The following PRKDC variants were observed in gnomAD, a reference collection of about 807,000 sequenced individuals.
The protein encoded by PRKDC is protein kinase, DNA-activated, catalytic subunit.
A neutral mutation model predicts 486.9 loss-of-function variants in PRKDC; 82 were observed. That is an observed-to-expected ratio of 0.17 (90% CI 0.14 to 0.20). The LOEUF is 0.20. Ranked by LOEUF, PRKDC falls within the 10% of genes least tolerant of loss-of-function variation. The pLI, the probability that PRKDC is intolerant of heterozygous loss-of-function variation, is 1.00. For synonymous variants in PRKDC, 1,895 were observed against 1,837.0 expected, an observed-to-expected ratio of 1.03 and a Z score of -0.81; for missense variants, 4,504 against 5,038.2, an observed-to-expected ratio of 0.89 and a Z score of 3.21.
chr8:47,906,409 G>A (rs528723414), intron 25 of PRKDC, among the ~76,000 whole-genome samples: 15 of 148,324 alleles, frequency 1.0e-4, no homozygotes, highest in African/African-American at 3.4e-4. Context: ...TGAGGAGGGC[G>A]GATCACTTGA....
chr8:47,888,583 C>A lies in PRKDC; in HGVS notation c.4348G>T (p.Ala1450Ser). 1 of 1,589,176 alleles carries A rather than the reference C, an allele frequency of 6.3e-7. No individual in the cohort carries two copies. Among genetic ancestry groups the A allele is most frequent in the Non-Finnish European group, 8.6e-7 (1 of 1,167,216 alleles). Residue 1450 changes from alanine to serine, a missense_variant, in exon 34 of 86, where the codon GCT becomes TCT. Ala to Ser is a moderately conservative substitution (Grantham distance 99). Transcript: ENST00000314191. ...AGCTGTTTACAGGCAGACACAACAG[C>A]AGCCAGCCTGCTCCTGTCCACTTGC... ...DAQVDRSRLA[A>S]VVSACKQLHR...
intron 54 of PRKDC, among the ~76,000 whole-genome samples, chr8:47,840,547 A>T (rs2088116745): frequency 6.6e-6 from 1 of 152,348 alleles, no homozygotes; most frequent in Non-Finnish European, 1.5e-5. Flanking sequence ...GTGTATATGG[A>T]AATTATGTGT....
chr8:47,874,270 A>G (rs1589757729), intron 40 of PRKDC, among the ~76,000 whole-genome samples: 1 of 152,206 alleles, frequency 6.6e-6, no homozygotes, highest in Non-Finnish European at 1.5e-5. Context: ...TTTTTAAATA[A>G]TTAAGAGTAT....
Position 47,840,102 on chromosome 8 carries a change from G to T in PRKDC, c.7368C>A (p.Asn2456Lys). The T allele has an allele frequency of 1.9e-6, 3 of 1,587,054 alleles. No individual in the cohort carries two copies. The highest frequency in any genetic ancestry group is 2.6e-6 in the Non-Finnish European group (3 of 1,164,682). ...GATGGGAAACGAATTCCACAACGGG[G>T]TTCAGAAGTTCTCGGAGTTCTACTG... is the stretch of plus-strand genomic sequence containing the variant. ...LKPVELRELL[N>K]PVVEFVSHPS... Residue 2456 changes from asparagine (N) to lysine (K), a missense_variant, in exon 55 of 86, where the codon AAC (asparagine) becomes AAA (lysine). Transcript: ENST00000314191.
At chr8:47,836,264 A>T in intron 58 of PRKDC, 74 bp downstream of exon 58, 1 of 1,343,804 alleles carries the variant, frequency 7.4e-7, no homozygotes, top group African/African-American at 1.5e-5. Flanking sequence ...CAAAAGCCCA[A>T]CACTGTTGTG....
At chr8:47,874,804 C>CA (rs1242684858) in intron 40 of PRKDC, among the ~76,000 whole-genome samples, 1 of 151,634 alleles carries the variant, frequency 6.6e-6, no homozygotes, top group African/African-American at 2.4e-5. Flanking sequence ...ACTGTAATCC[C>CA]AGCACTTTGG....
chr8:47,935,955 G>T, intron 12 of PRKDC, 55 bp from the exon 13 acceptor site: 1 of 1,458,458 alleles, frequency 6.9e-7, no homozygotes, highest in Non-Finnish European at 9.4e-7. Flanking sequence ...ATGAATACAG[G>T]AATAATACAA....
rs1021217124 is a variant in PRKDC, at chr8:47,930,686, C to T, written c.1878G>A (p.Leu626=). ...KPKDFSAFIN[L]VEFCREILPE... The stretch of plus-strand genomic sequence containing the variant: ...TTACCAAATACCTGCAAAATTCCAC[C>T]AGGTTAATGAAAGCCGAAAAATCTT... The change falls in exon 17 of 86, where the codon CTG becomes CTA. Residue 626 remains leucine, a synonymous_variant. Coordinates refer to ENST00000314191, the MANE Select transcript of PRKDC (RefSeq NM_006904.7). The T allele has an allele frequency of 1.9e-6, 3 of 1,570,458 alleles. No individual in the cohort carries two copies. The African/African-American group carries it at 4.1e-5, about 21-fold the overall frequency.
intron 55 of PRKDC, 94 bp from the exon 56 acceptor site, chr8:47,839,340 A>C (rs757318188): frequency 3.4e-4 from 297 of 886,020 alleles, no homozygotes; most frequent in Non-Finnish European, 5.1e-4. Flanking sequence ...TCAATTTTAA[A>C]AGGCTTGTTT....
At chr8:47,932,555 G>C (rs2090275351) in intron 16 of PRKDC, among the ~76,000 whole-genome samples, 1 of 152,008 alleles carries the variant, frequency 6.6e-6, no homozygotes, top group African/African-American at 2.4e-5. Context: ...TAGGAAAATT[G>C]GGTGTGAAAA....
intron 36 of PRKDC, among the ~76,000 whole-genome samples, chr8:47,882,812 C>T (rs1383600290): frequency 1.3e-5 from 2 of 152,162 alleles, no homozygotes; most frequent in African/African-American, 4.8e-5. Context: ...TCCCTTTTTG[C>T]ACATTTTGTA....
intron 23 of PRKDC, 85 bp downstream of exon 23, chr8:47,915,243 T>C (rs1203662852): frequency 1.7e-5 from 12 of 718,732 alleles, no homozygotes; most frequent in Non-Finnish European, 2.5e-5. Context: ...TAGGAGCAAA[T>C]ATTCAGAATA....
Position 47,840,069 on chromosome 8 carries a change from T to C in PRKDC, c.7401A>G (p.Thr2467=), listed in dbSNP as rs912326657. 1.0e-5 allele frequency: 16 copies of C among 1,563,172 alleles called. No homozygotes were observed. Among genetic ancestry groups the C allele is most frequent in the Non-Finnish European group, 1.4e-5 (16 of 1,151,806 alleles). Residue 2467 remains threonine (T), a synonymous_variant, in exon 55 of 86, where the codon ACA becomes ACG. Transcript: ENST00000314191. ...PVVEFVSHPS[T]TCREQMYNIL... is the part of the protein sequence containing the mutation. ...TATTATACATTTGTTCCCTACATGT[T>C]GTAGAAGGATGGGAAACGAATTCCA...
Position 47,957,270 on chromosome 8 carries a change from T to C in PRKDC, c.232-7A>G, listed in dbSNP as rs368614395. The C allele has an allele frequency of 1.3e-6, 2 of 1,589,276 alleles. No individual in the cohort carries two copies. The highest frequency in any genetic ancestry group is 2.2e-5 in the East Asian group (1 of 44,706). ...CTTCTCTACATTCACGAAACTGTAATGAAAGAGATACATATTGTAAATATG... is the reference window on the plus strand; with the variant it reads ...CTTCTCTACATTCACGAAACTGTAACGAAAGAGATACATATTGTAAATATG... On this transcript the variant is annotated splice_polypyrimidine_tract_variant and splice_region_variant and intron_variant, in intron 2 of 85. Coordinates refer to ENST00000314191, the MANE Select transcript of PRKDC (RefSeq NM_006904.7).
chr8:47,887,248 G>A (rs1471983188), intron 35 of PRKDC, among the ~76,000 whole-genome samples: 1 of 152,202 alleles, frequency 6.6e-6, no homozygotes, highest in Non-Finnish European at 1.5e-5. Flanking sequence ...GAGAGGAGAA[G>A]AGGCCACATG....
chr8:47,892,206 C>T (rs1245300391), intron 31 of PRKDC, among the ~76,000 whole-genome samples: 1 of 151,962 alleles, frequency 6.6e-6, no homozygotes, highest in African/African-American at 2.4e-5. Context: ...TCTATACGTA[C>T]AAAAATAAAA....
chr8:47,875,688 T>C (rs2089076920), intron 40 of PRKDC, among the ~76,000 whole-genome samples: 1 of 152,248 alleles, frequency 6.6e-6, no homozygotes, highest in Non-Finnish European at 1.5e-5. Context: ...TAGAAATATA[T>C]TATTTACAAA....
intron 21 of PRKDC, among the ~76,000 whole-genome samples, chr8:47,922,296 C>T (rs1159629237): frequency 6.6e-6 from 1 of 152,076 alleles, no homozygotes; most frequent in East Asian, 1.9e-4. Context: ...CCACATCCAG[C>T]TAATTTTTAA....
intron 68 of PRKDC, among the ~76,000 whole-genome samples, chr8:47,808,052 C>T (rs1415231832): frequency 6.6e-6 from 1 of 152,160 alleles, no homozygotes; most frequent in Non-Finnish European, 1.5e-5. Flanking sequence ...GAATGGGTAA[C>T]ATACCCTGTG....
Sources: gnomAD v4.1 joint callset for allele counts (sites outside exome capture counted in the v4.1 genomes callset) on GRCh38, gnomAD v4.1.1 for gene constraint, MANE v1.5 for transcripts, NCBI Gene and HGNC (gene_info 2026-07-23, HGNC 2026-07-21) for gene names.